The following SCLT1 variants were observed in gnomAD, a reference collection of about 807,000 sequenced individuals.
The protein encoded by SCLT1 is sodium channel and clathrin linker 1, also known as sodium channel-associated protein 1.
In SCLT1, 78 loss-of-function variants were observed where a neutral mutation model predicts 112.8. The observed-to-expected ratio is 0.69, with a 90% CI of 0.58 to 0.83. The LOEUF is 0.83. Ranked by LOEUF, SCLT1 falls within the 40% of genes least tolerant of loss-of-function variation. SCLT1 has a pLI of 0.00. For synonymous variants in SCLT1, 257 were observed against 254.7 expected (o/e 1.01, Z -0.09); for missense variants, 747 against 770.4 (o/e 0.97, Z 0.36).
intron 2 of SCLT1, among the ~76,000 whole-genome samples, chr4:129,053,846 T>G (rs1749089253): frequency 6.6e-6 from 1 of 152,066 alleles, no homozygotes; most frequent in Non-Finnish European, 1.5e-5. Flanking sequence ...TTCTTCATAG[T>G]GTCAATGGTC....
At chr4:128,900,131 C>A (rs1222783350) in intron 18 of SCLT1, among the ~76,000 whole-genome samples, 1 of 152,300 alleles carries the variant, frequency 6.6e-6, no homozygotes, top group East Asian at 1.9e-4. Context: ...ATGCCATCCC[C>A]ATCAAGCTAC....
At chr4:128,905,746 G>C (rs1298140474) in intron 18 of SCLT1, among the ~76,000 whole-genome samples, 4 of 151,832 alleles carry the variant, frequency 2.6e-5, no homozygotes, top group African/African-American at 9.7e-5. Context: ...ATATTTTCCT[G>C]ACTTTTTAGT....
chr4:128,914,132 GAGGC>G (rs1735296653), intron 18 of SCLT1, among the ~76,000 whole-genome samples: 1 of 152,102 alleles, frequency 6.6e-6, no homozygotes, highest in Non-Finnish European at 1.5e-5. Context: ...TTGGGAGGCC[GAGGC>G]AGGTGGATCA....
intron 2 of SCLT1, among the ~76,000 whole-genome samples, chr4:129,079,421 C>T (rs1196820317): frequency 6.6e-6 from 1 of 152,178 alleles, no homozygotes; most frequent in East Asian, 1.9e-4. Context: ...GATCAAAAGA[C>T]AGGGTCTACA....
chr4:129,042,516 G>A (rs1164534323), intron 4 of SCLT1, among the ~76,000 whole-genome samples: 1 of 152,074 alleles, frequency 6.6e-6, no homozygotes, highest in African/African-American at 2.4e-5. Flanking sequence ...ATGCGAGACA[G>A]TTTTAGGTTA....
chr4:128,935,157 C>A (rs1016145568), intron 18 of SCLT1, among the ~76,000 whole-genome samples: 1 of 151,838 alleles, frequency 6.6e-6, no homozygotes, highest in African/African-American at 2.4e-5. Context: ...TGACATTGAG[C>A]CTAACTGGTA....
intron 2 of SCLT1, among the ~76,000 whole-genome samples, chr4:129,063,487 T>G (rs931921962): frequency 3.3e-5 from 5 of 152,240 alleles, no homozygotes; most frequent in African/African-American, 9.6e-5. Context: ...CTCAAGTTTG[T>G]GTGCATTCTC....
At chr4:128,976,617 C>T (rs767843777) in intron 9 of SCLT1, among the ~76,000 whole-genome samples, 3 of 152,026 alleles carry the variant, frequency 2.0e-5, no homozygotes, top group Admixed American at 6.6e-5. Flanking sequence ...GTAATTATAG[C>T]GCTATAGTAA....
At chr4:129,043,504 C>A in intron 3 of SCLT1, 37 bp from the exon 4 acceptor site, 2 of 919,428 alleles carry the variant, frequency 2.2e-6, no homozygotes, top group South Asian at 1.5e-5. Flanking sequence ...ATATTCTGTT[C>A]CATCTAGTTT....
intron 14 of SCLT1, among the ~76,000 whole-genome samples, chr4:128,951,878 T>C (rs985728553): frequency 1.3e-5 from 2 of 152,152 alleles, no homozygotes; most frequent in African/African-American, 4.8e-5. Flanking sequence ...TACACAATGA[T>C]TAAGATCCCG....
At chr4:129,046,018 G>A (rs1748142724) in intron 2 of SCLT1, among the ~76,000 whole-genome samples, 1 of 152,066 alleles carries the variant, frequency 6.6e-6, no homozygotes, top group Non-Finnish European at 1.5e-5. Context: ...GTAAGAATGA[G>A]TAGATGAAAG....
At chr4:128,875,405 G>A (rs182888605) in intron 4 of SCLT1, among the ~76,000 whole-genome samples, 2 of 152,338 alleles carry the variant, frequency 1.3e-5, no homozygotes, top group East Asian at 1.9e-4. Flanking sequence ...CTCTGATGGC[G>A]AGACTGAAAA....
chr4:129,003,511 T>C (rs966158778), intron 6 of SCLT1, among the ~76,000 whole-genome samples: 4 of 151,732 alleles, frequency 2.6e-5, no homozygotes, highest in Non-Finnish European at 4.4e-5. Flanking sequence ...AAAATCTTTA[T>C]GATTTTAATT....
At chr4:128,999,574 T>A (rs946309921) in intron 7 of SCLT1, 98 bp downstream of exon 7, 6 of 700,666 alleles carry the variant, frequency 8.6e-6, no homozygotes, top group East Asian at 5.5e-5. Context: ...AAATTCTAAA[T>A]GCTATAGGGT....
At chr4:129,008,749 T>C (rs886833267) in intron 5 of SCLT1, among the ~76,000 whole-genome samples, 2 of 152,168 alleles carry the variant, frequency 1.3e-5, no homozygotes, top group African/African-American at 4.8e-5. Flanking sequence ...GTTGTACAGA[T>C]TATTTTCAAC....
At chr4:129,068,009 A>C (rs1750645921) in intron 2 of SCLT1, among the ~76,000 whole-genome samples, 1 of 152,054 alleles carries the variant, frequency 6.6e-6, no homozygotes, top group South Asian at 2.1e-4. Flanking sequence ...TTTCCACCTG[A>C]GTCCCCAAAG....
intron 18 of SCLT1, among the ~76,000 whole-genome samples, chr4:128,915,766 T>C (rs1735426453): frequency 6.6e-6 from 1 of 152,226 alleles, no homozygotes; most frequent in African/African-American, 2.4e-5. Context: ...GGATATCTAC[T>C]AGTGCTGGAC....
At chr4:129,042,889 A>G (rs1311469870) in intron 4 of SCLT1, among the ~76,000 whole-genome samples, 1 of 152,054 alleles carries the variant, frequency 6.6e-6, no homozygotes, top group Non-Finnish European at 1.5e-5. Context: ...CCTGGCCAAC[A>G]TGGTGAAACT....
chr4:128,887,399 G>A (rs1423009453), intron 20 of SCLT1, among the ~76,000 whole-genome samples: 2 of 151,974 alleles, frequency 1.3e-5, no homozygotes, highest in Non-Finnish European at 2.9e-5. Context: ...CATAACAGAA[G>A]TAGATTCAAA....
Sources: gnomAD v4.1 joint callset for allele counts (sites outside exome capture counted in the v4.1 genomes callset) on GRCh38, gnomAD v4.1.1 for gene constraint, MANE v1.5 for transcripts, NCBI Gene and HGNC (gene_info 2026-07-23, HGNC 2026-07-21) for gene names.